SLC14A2: variants seen among roughly 807,000 people sequenced by gnomAD.
SLC14A2 encodes the protein urea transporter 2.
Under a neutral mutation model 104.6 loss-of-function variants are expected in SLC14A2, and 91 were observed. The observed-to-expected ratio is 0.87, with a 90% CI of 0.73 to 1.04. The LOEUF is 1.04. Among genes scored for constraint, SLC14A2 ranks in the 50% least tolerant of loss-of-function variants. The pLI, the probability that SLC14A2 is intolerant of heterozygous loss-of-function variation, is 0.00. For synonymous variants in SLC14A2, 476 were observed against 466.4 expected, an observed-to-expected ratio of 1.02 and a Z score of -0.27; for missense variants, 1,189 against 1,156.0, an observed-to-expected ratio of 1.03 and a Z score of -0.41.
chr18:45,564,042 T>C (rs954016416), intron 2 of SLC14A2, among the ~76,000 whole-genome samples: 2 of 152,252 alleles, frequency 1.3e-5, no homozygotes, highest in Non-Finnish European at 2.9e-5. Context: ...TAATGAGTTT[T>C]ATGTTATCTC....
rs556532577 is a variant in SLC14A2 at position 45,487,183 on chromosome 18, C to T, written c.-35+3861C>T. ...TCTGAAAAGAATCTATTTCCTTGCCCTTTCCAGCTTCTAGAGGTTGCCTGC... is the reference window on the plus strand; with the variant it reads ...TCTGAAAAGAATCTATTTCCTTGCCTTTTCCAGCTTCTAGAGGTTGCCTGC... On this transcript the variant is annotated intron_variant, in intron 2 of 20. Coordinates refer to the SLC14A2 transcript ENST00000586448. 9.2e-5 allele frequency among the ~76,000 whole-genome samples: 14 copies of T among 152,334 alleles called. No individual in the cohort carries two copies. The East Asian group carries it at 2.7e-3, about 29-fold the overall frequency.
chr18:45,274,763 C>A (rs2084685157), intron 1 of SLC14A2, among the ~76,000 whole-genome samples: 1 of 152,218 alleles, frequency 6.6e-6, no homozygotes, highest in African/African-American at 2.4e-5. Flanking sequence ...CCACTTAATT[C>A]TCTGTGACTT....
In SLC14A2 at chr18:45,637,226, T is replaced by G. The variant is rs373408959; in HGVS notation, c.843+44T>G. 3.9e-6 allele frequency: 6 copies of G among 1,525,744 alleles called. No homozygotes were observed. In the African/African-American group the frequency reaches 8.2e-5, roughly 21 times the overall value. 94.5% of individuals were successfully genotyped at this position (1,525,744 alleles called of 1,614,324 possible). ...ATGAGTTGAGACCCCCATATTCCAC[T>G]GCAGACCTTCTCGCCAACCAATTTG... is the stretch of plus-strand genomic sequence containing the variant. On this transcript the variant is annotated intron_variant, in intron 6 of 19. Transcript: ENST00000255226.
chr18:45,294,977 T>TA (rs1338287990), intron 1 of SLC14A2, among the ~76,000 whole-genome samples: 1 of 152,248 alleles, frequency 6.6e-6, no homozygotes, highest in Admixed American at 6.5e-5. Flanking sequence ...AGTGAATCCT[T>TA]AATGAACCAT....
At chr18:45,393,217 G>T (rs762433322) in intron 1 of SLC14A2, among the ~76,000 whole-genome samples, 1 of 152,198 alleles carries the variant, frequency 6.6e-6, no homozygotes. Context: ...AATAAAAGAT[G>T]CATGAATAAA....
At chr18:45,527,599 G>GCATTT (rs760898010) in intron 2 of SLC14A2, among the ~76,000 whole-genome samples, 1 of 152,132 alleles carries the variant, frequency 6.6e-6, no homozygotes, top group Non-Finnish European at 1.5e-5. Context: ...TCATGATATG[G>GCATTT]GAAGGATGTG....
chr18:45,463,384 T>C (rs1446670386), intron 1 of SLC14A2, among the ~76,000 whole-genome samples: 2 of 152,156 alleles, frequency 1.3e-5, no homozygotes, highest in Non-Finnish European at 2.9e-5. Context: ...ACAAAGATGA[T>C]CCCTACTTAA....
chr18:45,655,485 C>G (rs2045819644), intron 10 of SLC14A2, among the ~76,000 whole-genome samples: 1 of 152,206 alleles, frequency 6.6e-6, no homozygotes, highest in Non-Finnish European at 1.5e-5. Context: ...TTCTGTGTGG[C>G]TACATTTACT....
chr18:45,468,651 T>G (rs571517449), intron 1 of SLC14A2, among the ~76,000 whole-genome samples: 1 of 152,232 alleles, frequency 6.6e-6, no homozygotes, highest in South Asian at 2.1e-4. Flanking sequence ...TCCATTGTAA[T>G]TAATTAGCCT....
Position 45,510,476 on chromosome 18 carries a change from T to C in SLC14A2, c.-35+27154T>C, listed in dbSNP as rs548103428. ...CTGTGGAGGCAGGGAGTACCCCCAG[T>C]CCAACCCTGCCACCAGTGGAGTGGT... On this transcript the variant is annotated intron_variant, in intron 2 of 20. Coordinates refer to the SLC14A2 transcript ENST00000586448. 2.6e-5 allele frequency among the ~76,000 whole-genome samples: 4 copies of C among 152,186 alleles called. No individual in the cohort carries two copies. In the East Asian group the frequency reaches 7.7e-4, roughly 29 times the overall value.
the SLC14A2 span, among the ~76,000 whole-genome samples, chr18:45,193,142 T>A: frequency 6.6e-6 from 1 of 152,246 alleles, no homozygotes; most frequent in Non-Finnish European, 1.5e-5. Context: ...TACAATCCTT[T>A]AGCAGACACA....
At chr18:45,675,147 A>G (rs142944433) in intron 18 of SLC14A2, among the ~76,000 whole-genome samples, 2,370 of 152,340 alleles carry the variant, frequency 0.016, 34 homozygotes, top group Middle Eastern at 0.054. Flanking sequence ...AAAAGTGCCA[A>G]TGAGCCTGAC....
At chr18:45,630,727 T>A (rs1473126591) in intron 4 of SLC14A2, among the ~76,000 whole-genome samples, 1 of 152,114 alleles carries the variant, frequency 6.6e-6, no homozygotes, top group East Asian at 1.9e-4. Flanking sequence ...TCCCAAAACA[T>A]GGATTTCTGC....
chr18:45,612,437 T>C (rs1335789605), upstream of SLC14A2, among the ~76,000 whole-genome samples: 1 of 152,246 alleles, frequency 6.6e-6, no homozygotes, highest in Non-Finnish European at 1.5e-5. Context: ...ACAATGGCCC[T>C]GAAGATGCTC....
intron 6 of SLC14A2, among the ~76,000 whole-genome samples, chr18:45,638,063 C>T (rs926011288): frequency 6.6e-6 from 1 of 152,156 alleles, no homozygotes; most frequent in African/African-American, 2.4e-5. Context: ...CATTCTTGAC[C>T]GCTTGGGCTT....
chr18:45,611,013 GCA>G (rs1425474670), upstream of SLC14A2, among the ~76,000 whole-genome samples: 1 of 152,196 alleles, frequency 6.6e-6, no homozygotes, highest in East Asian at 1.9e-4. Flanking sequence ...ACCACGTAAG[GCA>G]CAGAGGATCG....
intron 1 of SLC14A2, among the ~76,000 whole-genome samples, chr18:45,342,327 G>C (rs746014642): frequency 1.3e-5 from 2 of 152,158 alleles, no homozygotes; most frequent in Non-Finnish European, 2.9e-5. Context: ...GCTGAGATAT[G>C]GCAGATAAGA....
At chr18:45,179,480 A>T in the SLC14A2 span, among the ~76,000 whole-genome samples, 1 of 152,142 alleles carries the variant, frequency 6.6e-6, no homozygotes, top group South Asian at 2.1e-4. Context: ...GAAAACAAAA[A>T]CAAAACACAG....
intron 2 of SLC14A2, among the ~76,000 whole-genome samples, chr18:45,487,362 A>G (rs2087627063): frequency 6.6e-6 from 1 of 152,244 alleles, no homozygotes; most frequent in Non-Finnish European, 1.5e-5. Context: ...TGAATGATGC[A>G]GAATAATCTC....
Sources: allele counts gnomAD v4.1 joint callset (sites outside exome capture counted in the v4.1 genomes callset), GRCh38; gene constraint gnomAD v4.1.1; transcripts MANE v1.5; gene names NCBI Gene and HGNC (gene_info 2026-07-23, HGNC 2026-07-21).